Variants in PPP3CA observed in about 807,000 individuals in gnomAD.
The protein encoded by PPP3CA is CAM-PRP catalytic subunit.
A neutral mutation model predicts 66.5 loss-of-function variants in PPP3CA; 14 were observed. The observed-to-expected ratio is 0.21, with a 90% CI of 0.14 to 0.33. The LOEUF (loss-of-function observed/expected upper bound fraction) is 0.33. Ranked by LOEUF, PPP3CA falls within the 10% of genes least tolerant of loss-of-function variation. The probability of loss-of-function intolerance (pLI) is 1.00; values close to 1 mark genes in which losing one functional copy is unlikely to be tolerated. For synonymous variants in PPP3CA, 232 were observed against 226.2 expected (o/e 1.03, Z -0.23); for missense variants, 317 against 639.5 (o/e 0.50, Z 5.44).
chr4:101,147,008 TC>T, intron 2 of PPP3CA, among the ~76,000 whole-genome samples: 1 of 152,300 alleles, frequency 6.6e-6, no homozygotes, highest in Admixed American at 6.5e-5. Context: ...TGTATAACAT[TC>T]CTCTGAGATA....
intron 2 of PPP3CA, among the ~76,000 whole-genome samples, chr4:101,170,382 C>CTATA (rs1177111270): frequency 6.6e-6 from 1 of 152,050 alleles, no homozygotes; most frequent in African/African-American, 2.4e-5. Flanking sequence ...ACCCTCAAGG[C>CTATA]TATAATTTTT....
intron 4 of PPP3CA, among the ~76,000 whole-genome samples, chr4:101,099,014 G>C (rs1175569801): frequency 6.6e-6 from 1 of 152,082 alleles, no homozygotes; most frequent in Admixed American, 6.6e-5. Flanking sequence ...CTAAATGAAA[G>C]AGAAAAATAT....
chr4:101,045,656 G>A lies in PPP3CA; in HGVS notation c.1157-5090C>T, dbSNP rs548223309. Among the ~76,000 whole-genome samples the A allele has an allele frequency of 7.2e-5, 11 of 152,276 alleles. No homozygotes were observed. In the South Asian group the frequency reaches 1.7e-3, roughly 23 times the overall value. ...ATGTGAATGAAGTTTGAGTAAACGC[G>A]GAAGATGGTAGGGTGGGAAAGAAGC... On this transcript the variant is annotated intron_variant, in intron 10 of 13. Transcript: ENST00000394854.
intron 5 of PPP3CA, among the ~76,000 whole-genome samples, chr4:101,096,916 T>C (rs1292552433): frequency 6.6e-6 from 1 of 152,124 alleles, no homozygotes; most frequent in African/African-American, 2.4e-5. Context: ...CTTCTCAGAC[T>C]TAGCAATCAA....
At position 101,091,821 on chromosome 4, in the gene PPP3CA, CTAATAATAATAA is replaced by C. The variant is rs34522517; in HGVS notation, c.782+1943_782+1954del. On this transcript the variant is annotated intron_variant, in intron 6 of 13. Transcript: ENST00000394854. ...AACATCAGGTTAAGTTCTTCAGTAT[CTAATAATAATAA>C]TAATAATAATAATAATAATAATAAT... Among the ~76,000 whole-genome samples, 148 of 138,818 alleles carry C rather than the reference CTAATAATAATAA, an allele frequency of 1.1e-3. 1 individual carries two copies. The highest frequency in any genetic ancestry group is 1.3e-3 in the Non-Finnish European group (84 of 64,628). The allele number at this position is 138,818 out of a possible 152,430, so 91.1% of individuals were successfully genotyped here.
intron 8 of PPP3CA, among the ~76,000 whole-genome samples, chr4:101,069,156 T>A (rs1165585987): frequency 6.6e-6 from 1 of 152,100 alleles, no homozygotes; most frequent in African/African-American, 2.4e-5. Context: ...TGCTTTAGCC[T>A]CCCAAGTAGC....
intron 1 of PPP3CA, among the ~76,000 whole-genome samples, chr4:101,265,814 C>G (rs6854591): frequency 0.64 from 97,860 of 151,998 alleles, 32,695 homozygotes; most frequent in Non-Finnish European, 0.74. Flanking sequence ...AGAAACTCCA[C>G]TGGTCATTCA....
intron 10 of PPP3CA, among the ~76,000 whole-genome samples, chr4:101,041,550 T>C (rs1727522166): frequency 6.7e-6 from 1 of 149,308 alleles, no homozygotes. Flanking sequence ...TTTTCCTGCC[T>C]CAGCCTCCCA....
intron 1 of PPP3CA, among the ~76,000 whole-genome samples, chr4:101,294,412 T>C (rs964610069): frequency 6.6e-6 from 1 of 152,204 alleles, no homozygotes; most frequent in Non-Finnish European, 1.5e-5. Context: ...TGTAACTCTA[T>C]GACACACATT....
At chr4:101,323,904 T>C (rs976551897) in intron 1 of PPP3CA, among the ~76,000 whole-genome samples, 1 of 151,026 alleles carries the variant, frequency 6.6e-6, no homozygotes, top group African/African-American at 2.4e-5. Flanking sequence ...AGGTCAGGAG[T>C]TCAAGATCAG....
At chr4:101,081,914 C>T (rs962041332) in intron 7 of PPP3CA, among the ~76,000 whole-genome samples, 4 of 152,186 alleles carry the variant, frequency 2.6e-5, no homozygotes, top group African/African-American at 9.7e-5. Context: ...CAGAGGGTGA[C>T]TATGCCTACT....
At chr4:101,119,134 T>C (rs543898142) in intron 2 of PPP3CA, among the ~76,000 whole-genome samples, 12 of 151,976 alleles carry the variant, frequency 7.9e-5, no homozygotes, top group Non-Finnish European at 1.6e-4. Context: ...GAATTAAACA[T>C]CTGTAATCAA....
chr4:101,122,691 A>G (rs1188793403), intron 2 of PPP3CA, among the ~76,000 whole-genome samples: 1 of 152,212 alleles, frequency 6.6e-6, no homozygotes, highest in African/African-American at 2.4e-5. Flanking sequence ...AAAAAACTGG[A>G]TTGAACAGAG....
intron 10 of PPP3CA, among the ~76,000 whole-genome samples, chr4:101,052,893 T>C (rs1728071797): frequency 6.6e-6 from 1 of 152,038 alleles, no homozygotes; most frequent in South Asian, 2.1e-4. Context: ...ATGTTCTTCC[T>C]TTAGTTATTC....
intron 1 of PPP3CA, among the ~76,000 whole-genome samples, chr4:101,201,644 T>C (rs1470687666): frequency 1.3e-5 from 2 of 152,228 alleles, no homozygotes; most frequent in Non-Finnish European, 2.9e-5. Context: ...AATCAGGACA[T>C]GTACAGGAAC....
chr4:101,267,596 G>A (rs1023061959), intron 1 of PPP3CA, among the ~76,000 whole-genome samples: 8 of 152,116 alleles, frequency 5.3e-5, no homozygotes, highest in African/African-American at 1.2e-4. Flanking sequence ...GGGGATAAGC[G>A]GATCTGAGGA....
chr4:101,157,638 C>G (rs1052802617), intron 2 of PPP3CA, among the ~76,000 whole-genome samples: 16 of 152,210 alleles, frequency 1.1e-4, no homozygotes, highest in African/African-American at 3.1e-4. Context: ...GCTGATGATG[C>G]AAGTGAACTC....
At chr4:101,161,742 A>G (rs1723515687) in intron 2 of PPP3CA, among the ~76,000 whole-genome samples, 1 of 152,208 alleles carries the variant, frequency 6.6e-6, no homozygotes, top group African/African-American at 2.4e-5. Context: ...GAATACAGGA[A>G]AAAGAACAGA....
At chr4:101,060,985 T>A in intron 10 of PPP3CA, 102 bp downstream of exon 10, 1 of 1,006,906 alleles carries the variant, frequency 9.9e-7, no homozygotes, top group Non-Finnish European at 1.5e-6. Context: ...TGTTACGTTT[T>A]AAACATAATC....
Sources: allele counts gnomAD v4.1 joint callset (sites outside exome capture counted in the v4.1 genomes callset), GRCh38; gene constraint gnomAD v4.1.1; transcripts MANE v1.5; gene names NCBI Gene and HGNC (gene_info 2026-07-23, HGNC 2026-07-21).